Variants in SV2C observed in about 807,000 individuals in gnomAD.
SV2C encodes the protein solute carrier family 22 member B3.
Under a neutral mutation model 79.7 loss-of-function variants are expected in SV2C, and 49 were observed. That is an observed-to-expected ratio of 0.61 (90% CI 0.49 to 0.78). The LOEUF (loss-of-function observed/expected upper bound fraction) is 0.78. SV2C is among the 30% of genes least tolerant of loss of function. The probability of loss-of-function intolerance (pLI) is 0.00; values close to 1 mark genes in which losing one functional copy is unlikely to be tolerated. For synonymous variants in SV2C, 334 were observed against 333.2 expected, an observed-to-expected ratio of 1.00 and a Z score of -0.03; for missense variants, 833 against 912.9, an observed-to-expected ratio of 0.91 and a Z score of 1.13.
chr5:76,049,719 GT>G, the SV2C span, among the ~76,000 whole-genome samples: 1 of 152,090 alleles, frequency 6.6e-6, no homozygotes, highest in Non-Finnish European at 1.5e-5. Context: ...TTTATTTTTT[GT>G]TTTGTTTTAC....
At chr5:76,193,541 T>C (rs937604117) in intron 2 of SV2C, among the ~76,000 whole-genome samples, 1 of 152,176 alleles carries the variant, frequency 6.6e-6, no homozygotes, top group East Asian at 1.9e-4. Flanking sequence ...AGTGGAAATA[T>C]TCAAAATAAT....
At chr5:75,922,107 T>C in the SV2C span, among the ~76,000 whole-genome samples, 1 of 152,116 alleles carries the variant, frequency 6.6e-6, no homozygotes, top group African/African-American at 2.4e-5. Flanking sequence ...TATGTATAGT[T>C]TACATATATT....
the SV2C span, among the ~76,000 whole-genome samples, chr5:76,020,273 C>T: frequency 7.2e-5 from 11 of 151,960 alleles, no homozygotes; most frequent in African/African-American, 2.7e-4. Context: ...AGTGTAGAGT[C>T]TGTGTCAAAT....
At chr5:75,864,682 G>A in the SV2C span, among the ~76,000 whole-genome samples, 7 of 152,292 alleles carry the variant, frequency 4.6e-5, 1 homozygote, top group Admixed American at 4.6e-4. Context: ...TACTGTGGGG[G>A]TCCCTCCCAG....
chr5:76,113,141 G>A (rs1016224858), intron 1 of SV2C, among the ~76,000 whole-genome samples: 3 of 152,210 alleles, frequency 2.0e-5, no homozygotes, highest in African/African-American at 7.2e-5. Flanking sequence ...TTCTTACTAT[G>A]TCTTTTAATA....
At chr5:75,971,388 C>T in the SV2C span, among the ~76,000 whole-genome samples, 1 of 151,924 alleles carries the variant, frequency 6.6e-6, no homozygotes, top group Admixed American at 6.6e-5. Flanking sequence ...TCAAATTGTC[C>T]CTGTTTGCAG....
chr5:76,036,801 G>C, the SV2C span, among the ~76,000 whole-genome samples: 1 of 152,184 alleles, frequency 6.6e-6, no homozygotes, highest in Non-Finnish European at 1.5e-5. Context: ...TGCCTTGCTA[G>C]ATTGGGGAAG....
chr5:76,072,081 C>T, the SV2C span, among the ~76,000 whole-genome samples: 9 of 151,998 alleles, frequency 5.9e-5, no homozygotes, highest in Non-Finnish European at 1.2e-4. Flanking sequence ...AAAAGGGGCA[C>T]ATGTTTGTTT....
chr5:75,978,439 C>T, the SV2C span, among the ~76,000 whole-genome samples: 1 of 152,098 alleles, frequency 6.6e-6, no homozygotes, highest in Non-Finnish European at 1.5e-5. Flanking sequence ...GTAGTCTAAT[C>T]ACTCTAAAAT....
the SV2C span, among the ~76,000 whole-genome samples, chr5:75,849,337 T>A: frequency 6.6e-6 from 1 of 152,162 alleles, no homozygotes; most frequent in Non-Finnish European, 1.5e-5. Context: ...CAGAGTGAGA[T>A]AAACAGAACT....
intron 12 of SV2C, among the ~76,000 whole-genome samples, chr5:76,317,921 A>T (rs1182374058): frequency 6.6e-6 from 1 of 152,166 alleles, no homozygotes; most frequent in Non-Finnish European, 1.5e-5. Context: ...TAATAGTCAC[A>T]TGGTGCCTAC....
At chr5:75,928,344 GA>G in the SV2C span, among the ~76,000 whole-genome samples, 2 of 152,156 alleles carry the variant, frequency 1.3e-5, no homozygotes, top group South Asian at 4.1e-4. Context: ...TGATCCCCTG[GA>G]AACTGCAGAA....
intron 5 of SV2C, 183 bp downstream of exon 5, chr5:76,285,478 A>G (rs1432389885): frequency 7.4e-6 from 6 of 806,394 alleles, no homozygotes; most frequent in South Asian, 6.0e-5. Context: ...AAGCTGCCTC[A>G]TGGCTAGAAA....
the SV2C span, among the ~76,000 whole-genome samples, chr5:75,919,383 T>C: frequency 2.6e-5 from 4 of 152,378 alleles, no homozygotes; most frequent in Admixed American, 2.6e-4. Context: ...TTCTTTTGCT[T>C]TGTGATGAGA....
chr5:76,163,504 A>G (rs1390346821), intron 2 of SV2C, among the ~76,000 whole-genome samples: 4 of 152,164 alleles, frequency 2.6e-5, no homozygotes, highest in South Asian at 4.1e-4. Context: ...TTCAGGTTTG[A>G]GATCTGAAGG....
the SV2C span, among the ~76,000 whole-genome samples, chr5:75,987,446 T>C: frequency 3.4e-4 from 51 of 152,002 alleles, no homozygotes; most frequent in Admixed American, 1.1e-3. Flanking sequence ...TGAGGCCAAA[T>C]ACCAAAACGC....
the SV2C span, among the ~76,000 whole-genome samples, chr5:76,045,849 G>A: frequency 2.0e-5 from 3 of 152,146 alleles, no homozygotes; most frequent in African/African-American, 7.2e-5. Flanking sequence ...GAGAGTTCCT[G>A]CCTGCAAAAA....
chr5:75,941,859 A>G, the SV2C span, among the ~76,000 whole-genome samples: 1 of 152,210 alleles, frequency 6.6e-6, no homozygotes, highest in Non-Finnish European at 1.5e-5. Context: ...ATTGTAGGTC[A>G]TAAGACCTTC....
intron 1 of SV2C, among the ~76,000 whole-genome samples, chr5:76,096,455 T>C (rs1438690021): frequency 6.6e-6 from 1 of 152,194 alleles, no homozygotes; most frequent in Non-Finnish European, 1.5e-5. Context: ...TCCACAAATC[T>C]GTAAATTGGC....
Sources: allele counts gnomAD v4.1 joint callset (sites outside exome capture counted in the v4.1 genomes callset), GRCh38; gene constraint gnomAD v4.1.1; transcripts MANE v1.5; gene names NCBI Gene and HGNC (gene_info 2026-07-23, HGNC 2026-07-21).